NUP210: variants seen among roughly 807,000 people sequenced by gnomAD.
NUP210 encodes the protein nucleoporin 210.
In NUP210, 151 loss-of-function variants were observed where a neutral mutation model predicts 196.0. The observed-to-expected ratio is 0.77, with a 90% CI of 0.67 to 0.88. The LOEUF is 0.88. Among genes scored for constraint, NUP210 ranks in the 40% least tolerant of loss-of-function variants. NUP210 has a pLI of 0.00. For synonymous variants in NUP210, 1,070 were observed against 1,052.7 expected, an observed-to-expected ratio of 1.02 and a Z score of -0.32; for missense variants, 2,314 against 2,493.7, an observed-to-expected ratio of 0.93 and a Z score of 1.53.
intron 1 of NUP210, among the ~76,000 whole-genome samples, chr3:13,400,290 A>G (rs73132585): frequency 0.22 from 34,070 of 152,104 alleles, 6,048 homozygotes; most frequent in African/African-American, 0.49. Context: ...GGCCTGGCGC[A>G]CAGCAGGCTC....
chr3:13,418,127 GA>G (rs922481267), intron 1 of NUP210, among the ~76,000 whole-genome samples: 2 of 152,206 alleles, frequency 1.3e-5, no homozygotes, highest in African/African-American at 4.8e-5. Flanking sequence ...ACTAACAGCT[GA>G]TTTTCCCACA....
rs746131631 is a variant in NUP210, at chr3:13,330,585, C to T, written c.3985G>A (p.Val1329Ile). 1.4e-5 allele frequency: 22 copies of T among 1,614,096 alleles called. No homozygotes were observed. Among genetic ancestry groups the T allele is most frequent in the Non-Finnish European group, 1.8e-5 (21 of 1,180,048 alleles). Residue 1329 changes from valine (V) to isoleucine (I), a missense_variant, in exon 30 of 40, where the codon GTT becomes ATT. Transcript: ENST00000254508. ...TTCTCATCAACATGCACAACTGGAA[C>T]CTTTTCGGGTCCATCCAGGACGCGG... ...SYRVLDGPEK[V>I]PVVHVDEKGF...
chr3:13,366,091 C>G lies in NUP210; in HGVS notation c.1787G>C (p.Gly596Ala). ...GTGCTCAGAGCCTGGCGGCAGCCTC[C>G]CTACAGAAAGGAGAGAACTAGATGG... ...ENQGVFQPLP[G>A]RLPPGSEHCS... is the part of the protein sequence containing the mutation. The change falls in exon 14 of 40, where the codon GGG (glycine) becomes GCG (alanine). Residue 596 changes from glycine (G) to alanine (A), a missense_variant and splice_region_variant. Transcript: ENST00000254508. The G allele has an allele frequency of 6.2e-7, 1 of 1,613,184 alleles. No individual in the cohort carries two copies. Among genetic ancestry groups the G allele is most frequent in the Non-Finnish European group, 8.5e-7 (1 of 1,179,554 alleles).
chr3:13,405,379 C>G (rs1275377793), intron 1 of NUP210, among the ~76,000 whole-genome samples: 1 of 152,130 alleles, frequency 6.6e-6, no homozygotes, highest in Non-Finnish European at 1.5e-5. Context: ...GGCCTTCAGA[C>G]TAAAACTAAA....
intron 36 of NUP210, among the ~76,000 whole-genome samples, chr3:13,320,328 G>T (rs1442272291): frequency 6.6e-6 from 1 of 152,154 alleles, no homozygotes; most frequent in African/African-American, 2.4e-5. Flanking sequence ...CTAATCAACT[G>T]CTGCTTACAA....
At chr3:13,359,049 G>A (rs1698282475) in intron 15 of NUP210, among the ~76,000 whole-genome samples, 1 of 152,198 alleles carries the variant, frequency 6.6e-6, no homozygotes, top group African/African-American at 2.4e-5. Flanking sequence ...CCATCTTGAG[G>A]TAGCACCCTC....
rs747343870 is a variant in NUP210, at chr3:13,327,358, G to C, written c.4366C>G (p.Leu1456Val). The C allele has an allele frequency of 6.2e-7, 1 of 1,613,526 alleles. No homozygotes were observed. Among genetic ancestry groups the C allele is most frequent in the Non-Finnish European group, 8.5e-7 (1 of 1,180,022 alleles). The change falls in exon 32 of 40, where the codon CTC (leucine) becomes GTC (valine). Residue 1456 changes from leucine (L) to valine (V), a missense_variant. Transcript: ENST00000254508. Reference protein sequence around the residue: ...VRTVSVGLTLLRVWDAEHPGL... With the variant: ...VRTVSVGLTLVRVWDAEHPGL... ...GGGTGCTCTGCGTCCCACACACGGA[G>C]CAGTGTCAGGCCCACGCTGACTGTG...
At chr3:13,408,937 T>C (rs1700079320) in intron 1 of NUP210, among the ~76,000 whole-genome samples, 1 of 152,204 alleles carries the variant, frequency 6.6e-6, no homozygotes, top group African/African-American at 2.4e-5. Flanking sequence ...TGTGACCACC[T>C]GACGGCTGCT....
chr3:13,361,268 T>G (rs1424171135), intron 14 of NUP210, among the ~76,000 whole-genome samples: 3 of 152,244 alleles, frequency 2.0e-5, no homozygotes, highest in Non-Finnish European at 2.9e-5. Context: ...AGCAATTCTT[T>G]GTTGAATGAA....
chr3:13,407,036 G>C (rs187482789), intron 1 of NUP210, among the ~76,000 whole-genome samples: 1 of 152,184 alleles, frequency 6.6e-6, no homozygotes, highest in Non-Finnish European at 1.5e-5. Flanking sequence ...CACCAGCTGC[G>C]TGATCTTGAC....
intron 3 of NUP210, among the ~76,000 whole-genome samples, chr3:13,392,193 C>A (rs572481373): frequency 3.3e-5 from 5 of 152,192 alleles, no homozygotes; most frequent in African/African-American, 1.2e-4. Context: ...TAGAGTCTGA[C>A]GGGCCTGGGG....
In NUP210 at chr3:13,327,442, G is replaced by A. The variant is rs368374026; in HGVS notation, c.4287-5C>T. The A allele has an allele frequency of 8.1e-6, 13 of 1,598,650 alleles. No individual in the cohort carries two copies. Among genetic ancestry groups the A allele is most frequent in the Non-Finnish European group, 1.1e-5 (13 of 1,169,672 alleles). On this transcript the variant is annotated splice_polypyrimidine_tract_variant and splice_region_variant and intron_variant, in intron 31 of 39. Transcript: ENST00000254508. The stretch of plus-strand genomic sequence containing the variant: ...CCGATCTGCACAAAGTCGTCTCTAG[G>A]CACAGGAGAGAAAGGAGGGCTCTCA...
At chr3:13,332,727 A>T (rs561777114) in intron 28 of NUP210, among the ~76,000 whole-genome samples, 45 of 104,110 alleles carry the variant, frequency 4.3e-4, no homozygotes, top group South Asian at 1.3e-3. Flanking sequence ...ACCCTATCTC[A>T]CACACACACA....
At chr3:13,343,600 T>C (rs1047188237) in intron 20 of NUP210, among the ~76,000 whole-genome samples, 6 of 152,162 alleles carry the variant, frequency 3.9e-5, no homozygotes, top group African/African-American at 1.2e-4. Context: ...CACTTGCACA[T>C]TTTACAAAGA....
At chr3:13,375,864 AC>A (rs1698886292) in intron 10 of NUP210, among the ~76,000 whole-genome samples, 1 of 147,802 alleles carries the variant, frequency 6.8e-6, no homozygotes, top group African/African-American at 2.5e-5. Flanking sequence ...TCCTCAGGGC[AC>A]CCCAGCAGGA....
chr3:13,373,975 C>A, intron 11 of NUP210, 102 bp from the exon 12 acceptor site: 1 of 1,326,014 alleles, frequency 7.5e-7, no homozygotes, highest in South Asian at 1.4e-5. Context: ...TACTCACACT[C>A]ATACACATTT....
rs199983406 is a variant in NUP210 at position 13,366,081 on chromosome 3, C to T, written c.1797G>A (p.Pro599=). The T allele has an allele frequency of 7.4e-4, 1,202 of 1,613,536 alleles. 3 individuals carry two copies. Among genetic ancestry groups the T allele is most frequent in the South Asian group, 1.0e-3 (92 of 91,048 alleles). ...TGCCGCTGCAGTGCTCAGAGCCTGG[C>T]GGCAGCCTCCCTACAGAAAGGAGAG... ...GVFQPLPGRL[P]PGSEHCSGIR... Residue 599 remains proline (P), a synonymous_variant, in exon 14 of 40, where the codon CCG becomes CCA. Transcript: ENST00000254508.
chr3:13,406,846 C>T (rs901914965), intron 1 of NUP210, among the ~76,000 whole-genome samples: 2 of 150,530 alleles, frequency 1.3e-5, no homozygotes, highest in Non-Finnish European at 3.0e-5. Flanking sequence ...CAACCCCCCC[C>T]ACCCCCCACA....
At chr3:13,365,612 C>T (rs1326665946) in intron 14 of NUP210, among the ~76,000 whole-genome samples, 1 of 152,210 alleles carries the variant, frequency 6.6e-6, no homozygotes, top group African/African-American at 2.4e-5. Flanking sequence ...AGAAGCACTC[C>T]CCTGTTCTGA....
Sources: gnomAD v4.1 joint callset for allele counts (sites outside exome capture counted in the v4.1 genomes callset) on GRCh38, gnomAD v4.1.1 for gene constraint, MANE v1.5 for transcripts, NCBI Gene and HGNC (gene_info 2026-07-23, HGNC 2026-07-21) for gene names.